ZNF569: variants seen among roughly 807,000 people sequenced by gnomAD.
The protein encoded by ZNF569 is zinc finger protein 569.
ZNF569 carries 38 observed loss-of-function variants against 56.3 expected under a neutral mutation model. The observed-to-expected ratio is 0.68, with a 90% CI of 0.52 to 0.88. The LOEUF is 0.88. Ranked by LOEUF, ZNF569 falls within the 40% of genes least tolerant of loss-of-function variation. The pLI, the probability that ZNF569 is intolerant of heterozygous loss-of-function variation, is 0.00. For synonymous variants in ZNF569, 241 were observed against 262.9 expected (o/e 0.92, Z 0.81); for missense variants, 666 against 809.2 (o/e 0.82, Z 2.15).
intron 2 of ZNF569, among the ~76,000 whole-genome samples, chr19:37,449,838 G>A (rs2041563668): frequency 6.6e-6 from 1 of 152,046 alleles, no homozygotes; most frequent in African/African-American, 2.4e-5. Flanking sequence ...AGCTCTATCT[G>A]TAACTGGTGC....
At chr19:37,457,547 T>C (rs2041692332) in intron 2 of ZNF569, among the ~76,000 whole-genome samples, 1 of 152,136 alleles carries the variant, frequency 6.6e-6, no homozygotes, top group African/African-American at 2.4e-5. Context: ...GGGACATGGA[T>C]GAAGCTGGAA....
rs2040846542 is a variant in ZNF569, at chr19:37,411,932, A to T, written c.*665T>A. 6.6e-6 allele frequency: 1 copy of T among 152,140 alleles called. No homozygotes were observed. The highest frequency in any genetic ancestry group is 2.1e-4 in the South Asian group (1 of 4,834). The allele number at this position is 152,140 out of a possible 1,614,324, so 9.4% of individuals were successfully genotyped here. Reference sequence around the variant, plus strand: ...AAGTACATGATATATCTAATAATAGAGTGTGTCTTCTCTACTTGCTTTGTC... The same window carrying T: ...AAGTACATGATATATCTAATAATAGTGTGTGTCTTCTCTACTTGCTTTGTC... On this transcript the variant is annotated 3_prime_UTR_variant, in exon 6 of 6. Coordinates refer to ENST00000316950, the MANE Select transcript of ZNF569 (RefSeq NM_152484.3).
chr19:37,415,287 T>C (rs1002736857), intron 5 of ZNF569, among the ~76,000 whole-genome samples: 47 of 152,026 alleles, frequency 3.1e-4, no homozygotes, highest in African/African-American at 1.1e-3. Flanking sequence ...TAATGAAAAA[T>C]GTCAAGTAAT....
At chr19:37,433,084 T>C (rs868808084) in intron 3 of ZNF569, among the ~76,000 whole-genome samples, 3 of 151,960 alleles carry the variant, frequency 2.0e-5, no homozygotes, top group Non-Finnish European at 2.9e-5. Flanking sequence ...TTTAATGTTT[T>C]TGTAGAGATG....
chr19:37,450,591 C>CA (rs1305142177), intron 2 of ZNF569, among the ~76,000 whole-genome samples: 1 of 151,972 alleles, frequency 6.6e-6, no homozygotes, highest in Non-Finnish European at 1.5e-5. Flanking sequence ...TTCCAAATAC[C>CA]AACTGTTAGT....
chr19:37,419,748 A>G (rs1003345337), intron 5 of ZNF569, among the ~76,000 whole-genome samples: 4 of 152,028 alleles, frequency 2.6e-5, no homozygotes, highest in Non-Finnish European at 5.9e-5. Context: ...AATACTATAT[A>G]CTTAGTCTAT....
At chr19:37,461,111 G>A (rs1314730478) in intron 2 of ZNF569, among the ~76,000 whole-genome samples, 2 of 152,092 alleles carry the variant, frequency 1.3e-5, no homozygotes, top group East Asian at 3.9e-4. Flanking sequence ...TGTACCTAAG[G>A]GTGAACAAAG....
rs2041249496 is a variant in ZNF569 at position 37,432,932 on chromosome 19, G to C, written c.16-6554C>G. 1.5e-5 allele frequency among the ~76,000 whole-genome samples: 2 copies of C among 129,824 alleles called. 1 individual carries two copies. The highest frequency in any genetic ancestry group is 4.7e-4 in the South Asian group (2 of 4,238). 85.2% of individuals were successfully genotyped at this position (129,824 alleles called of 152,430 possible). On this transcript the variant is annotated intron_variant, in intron 3 of 5. Coordinates refer to ENST00000316950, the MANE Select transcript of ZNF569 (RefSeq NM_152484.3). ...TTTTTTTTTTTTTTTTTTTGAGACAGAGTCTCTGTAATCCAGGCTGGAATG... is the reference window on the plus strand; with the variant it reads ...TTTTTTTTTTTTTTTTTTTGAGACACAGTCTCTGTAATCCAGGCTGGAATG...
chr19:37,468,309 G>A (rs11668662), upstream of ZNF569, among the ~76,000 whole-genome samples: 1 of 152,080 alleles, frequency 6.6e-6, no homozygotes, highest in African/African-American at 2.4e-5. Context: ...GGCTGCTCTC[G>A]AACTCCTGAG....
At chr19:37,446,795 C>G (rs1171420439) in intron 2 of ZNF569, among the ~76,000 whole-genome samples, 1 of 152,004 alleles carries the variant, frequency 6.6e-6, no homozygotes, top group Non-Finnish European at 1.5e-5. Context: ...AGCTTCTGCA[C>G]AGCAAAATAA....
At chr19:37,434,061 G>A (rs147019079) in intron 3 of ZNF569, among the ~76,000 whole-genome samples, 1 of 152,224 alleles carries the variant, frequency 6.6e-6, no homozygotes, top group East Asian at 1.9e-4. Context: ...CTACCACTTT[G>A]GGAGGCTGAG....
intron 3 of ZNF569, among the ~76,000 whole-genome samples, chr19:37,431,082 C>T (rs1463398894): frequency 2.0e-5 from 3 of 152,142 alleles, no homozygotes; most frequent in Admixed American, 2.0e-4. Context: ...GGCTAAAGGG[C>T]TCTAGGATCC....
chr19:37,417,740 TG>T (rs1304847145), intron 5 of ZNF569, among the ~76,000 whole-genome samples: 2 of 152,204 alleles, frequency 1.3e-5, no homozygotes, highest in South Asian at 2.1e-4. Flanking sequence ...AAAATGATAC[TG>T]GGGGTTGCCA....
intron 2 of ZNF569, among the ~76,000 whole-genome samples, chr19:37,454,432 A>G (rs2041640675): frequency 6.6e-6 from 1 of 151,880 alleles, no homozygotes; most frequent in Non-Finnish European, 1.5e-5. Context: ...GGCCTTCACA[A>G]GTGCTCTTGC....
At position 37,413,442 on chromosome 19, in the gene ZNF569, C is replaced by T; in HGVS notation, c.1216G>A (p.Gly406Ser). ...TCCTTACATTCATAGGGTTTCTCAC[C>T]AGTGTGACTTCTCATATGTACAGTA... is the stretch of plus-strand genomic sequence containing the variant. ...ALTVHMRSHT[G>S]EKPYECKECR... Residue 406 changes from glycine (G) to serine (S), a missense_variant, in exon 6 of 6, where the codon GGT (glycine) becomes AGT (serine). By Grantham distance (56) the Gly-to-Ser change is moderately conservative. Transcript: ENST00000316950. The T allele has an allele frequency of 6.2e-7, 1 of 1,613,858 alleles. No homozygotes were observed. The highest frequency in any genetic ancestry group is 2.2e-5 in the East Asian group (1 of 44,850).
intron 2 of ZNF569, among the ~76,000 whole-genome samples, chr19:37,452,869 T>C (rs2041617056): frequency 6.6e-6 from 1 of 152,196 alleles, no homozygotes; most frequent in Admixed American, 6.5e-5. Context: ...TTGGGGAGTT[T>C]TCAGCCATTA....
chr19:37,417,918 T>C (rs2042286323), intron 5 of ZNF569, among the ~76,000 whole-genome samples: 1 of 151,896 alleles, frequency 6.6e-6, no homozygotes, highest in Non-Finnish European at 1.5e-5. Context: ...CTGGCCAACA[T>C]AGTGCAACCC....
upstream of ZNF569, chr19:37,467,808 A>G (rs2041873542): frequency 7.0e-7 from 1 of 1,419,774 alleles, no homozygotes; most frequent in Non-Finnish European, 9.6e-7. Flanking sequence ...GGTCGTGCGA[A>G]TATGCGACCT....
At chr19:37,418,579 A>G (rs2040976616) in intron 5 of ZNF569, among the ~76,000 whole-genome samples, 1 of 152,186 alleles carries the variant, frequency 6.6e-6, no homozygotes, top group Non-Finnish European at 1.5e-5. Context: ...GAAGATGTCA[A>G]AAAGCAAGTT....
Sources: gnomAD v4.1 joint callset for allele counts (sites outside exome capture counted in the v4.1 genomes callset) on GRCh38, gnomAD v4.1.1 for gene constraint, MANE v1.5 for transcripts, NCBI Gene and HGNC (gene_info 2026-07-23, HGNC 2026-07-21) for gene names.